Variants in HLCS observed in about 807,000 individuals in gnomAD.
HLCS encodes biotin--protein ligase.
HLCS carries 53 observed loss-of-function variants against 75.0 expected under a neutral mutation model. The observed-to-expected ratio is 0.71, with a 90% CI of 0.57 to 0.89. The LOEUF (loss-of-function observed/expected upper bound fraction) is 0.89, where lower values mean the gene tolerates loss of function less well. Ranked by LOEUF, HLCS falls within the 40% of genes least tolerant of loss-of-function variation. The pLI, the probability that HLCS is intolerant of heterozygous loss-of-function variation, is 0.00. For missense variants in HLCS, 966 were observed against 1,074.0 expected, an observed-to-expected ratio of 0.90 and a Z score of 1.41; for synonymous variants, 431 against 428.6, an observed-to-expected ratio of 1.01 and a Z score of -0.07.
rs1277519255 is a variant in HLCS, at chr21:36,752,260, C to A, written c.*1986G>T. Reference sequence around the variant, plus strand: ...CAGTATGCCCGGAACATCTCCATAGCCTTTGACAAGGCCACACTTCATTAG... The same window carrying A: ...CAGTATGCCCGGAACATCTCCATAGACTTTGACAAGGCCACACTTCATTAG... On this transcript the variant is annotated 3_prime_UTR_variant, in exon 11 of 11. Coordinates refer to ENST00000674895, the MANE Select transcript of HLCS (RefSeq NM_001352514.2). 1 of 152,630 alleles carries A rather than the reference C, an allele frequency of 6.6e-6. No individual in the cohort carries two copies. The highest frequency in any genetic ancestry group is 2.4e-5 in the African/African-American group (1 of 41,444). 9.5% of individuals were successfully genotyped at this position (152,630 alleles called of 1,614,324 possible). A position where few individuals can be genotyped will look rare whatever the true frequency, so the allele number is the denominator to read the frequency against.
intron 6 of HLCS, among the ~76,000 whole-genome samples, chr21:36,837,311 T>A (rs1179958554): frequency 6.6e-6 from 1 of 152,250 alleles, no homozygotes; most frequent in Non-Finnish European, 1.5e-5. Flanking sequence ...ATACAAACTA[T>A]ATGCTATACT....
chr21:36,934,798 G>A (rs2066804859), intron 4 of HLCS, among the ~76,000 whole-genome samples: 1 of 152,114 alleles, frequency 6.6e-6, no homozygotes, highest in Non-Finnish European at 1.5e-5. Context: ...TAACCAGCCT[G>A]TGATAATATT....
At chr21:36,964,311 A>C (rs926409553) in intron 1 of HLCS, among the ~76,000 whole-genome samples, 1 of 152,266 alleles carries the variant, frequency 6.6e-6, no homozygotes, top group African/African-American at 2.4e-5. Context: ...GCAGACTGAG[A>C]TATCCACCAA....
At chr21:36,886,596 C>T (rs2064475923) in intron 6 of HLCS, among the ~76,000 whole-genome samples, 1 of 152,124 alleles carries the variant, frequency 6.6e-6, no homozygotes, top group African/African-American at 2.4e-5. Context: ...ATTTGGGATG[C>T]TTCAAGTTGT....
chr21:36,854,872 A>G (rs1241159656), intron 6 of HLCS, among the ~76,000 whole-genome samples: 1 of 152,180 alleles, frequency 6.6e-6, no homozygotes, highest in African/African-American at 2.4e-5. Flanking sequence ...ATCTGATTCT[A>G]TTTTTGCGGG....
At chr21:36,890,403 G>A (rs1187077127) in intron 6 of HLCS, among the ~76,000 whole-genome samples, 1 of 152,206 alleles carries the variant, frequency 6.6e-6, no homozygotes, top group East Asian at 1.9e-4. Flanking sequence ...GCACAGCCAA[G>A]TCAGATTCCT....
chr21:36,820,757 T>C (rs562264147), intron 6 of HLCS, among the ~76,000 whole-genome samples: 28 of 152,332 alleles, frequency 1.8e-4, no homozygotes, highest in African/African-American at 6.5e-4. Context: ...GACAGGCTCC[T>C]GGGCAGAAAG....
chr21:36,903,353 A>G (rs2065317482), intron 5 of HLCS, among the ~76,000 whole-genome samples: 2 of 152,102 alleles, frequency 1.3e-5, no homozygotes, highest in Non-Finnish European at 2.9e-5. Flanking sequence ...CTCTGCCCCT[A>G]AAACTTTGGT....
At chr21:36,857,191 A>G (rs2063224877) in intron 6 of HLCS, among the ~76,000 whole-genome samples, 2 of 152,232 alleles carry the variant, frequency 1.3e-5, no homozygotes, top group South Asian at 4.1e-4. Context: ...CTCTTGTTCA[A>G]CATTGCCGTT....
rs535624393 is a variant in HLCS, at chr21:36,761,206, C to T, written c.2122-1365G>A. Among the ~76,000 whole-genome samples the T allele has an allele frequency of 2.2e-4, 33 of 152,264 alleles. No individual in the cohort carries two copies. The Middle Eastern group carries it at 0.02, about 94-fold the overall frequency. On this transcript the variant is annotated intron_variant, in intron 8 of 10. Transcript: ENST00000674895. ...AAGCTTAGAGAAATTATGTGGCTTG[C>T]CTGAGGTTATAGCACTTGAAAGCCA...
At chr21:36,848,074 A>C (rs2062857290) in intron 6 of HLCS, among the ~76,000 whole-genome samples, 1 of 152,192 alleles carries the variant, frequency 6.6e-6, no homozygotes, top group African/African-American at 2.4e-5. Context: ...TAAATGGCAA[A>C]GCGACGAACA....
chr21:36,756,407 T>C (rs370339949), intron 10 of HLCS, 135 bp downstream of exon 10: 327 of 584,380 alleles, frequency 5.6e-4, no homozygotes, highest in African/African-American at 4.6e-3. Flanking sequence ...GCCAAGATCG[T>C]GCCACTGCAC....
At chr21:36,777,119 G>A (rs1378986376) in intron 6 of HLCS, among the ~76,000 whole-genome samples, 2 of 152,024 alleles carry the variant, frequency 1.3e-5, no homozygotes, top group African/African-American at 4.8e-5. Context: ...CTTCTGTTAG[G>A]GTTCGTGCTT....
At chr21:36,772,118 G>A (rs1485366664) in intron 6 of HLCS, among the ~76,000 whole-genome samples, 1 of 152,058 alleles carries the variant, frequency 6.6e-6, no homozygotes, top group Non-Finnish European at 1.5e-5. Flanking sequence ...ATCTAGGTAA[G>A]TCCCACTTCT....
At chr21:36,887,300 C>T (rs185520739) in intron 6 of HLCS, among the ~76,000 whole-genome samples, 23 of 152,252 alleles carry the variant, frequency 1.5e-4, no homozygotes, top group Non-Finnish European at 7.4e-5. Flanking sequence ...ATGATGAAGA[C>T]ATCAACATCA....
intron 5 of HLCS, among the ~76,000 whole-genome samples, chr21:36,902,505 G>T (rs1340564894): frequency 6.6e-6 from 1 of 152,184 alleles, no homozygotes; most frequent in Non-Finnish European, 1.5e-5. Flanking sequence ...ACAGCCATAC[G>T]GGACAGCCTG....
intron 1 of HLCS, among the ~76,000 whole-genome samples, chr21:36,963,871 G>T (rs928895144): frequency 1.4e-4 from 22 of 152,172 alleles, no homozygotes; most frequent in East Asian, 3.8e-4. Context: ...TGATTGTAGG[G>T]CATTCAATTA....
chr21:36,748,998 C>T lies in HLCS; in HGVS notation c.*5248G>A, dbSNP rs2089282527. On this transcript the variant is annotated 3_prime_UTR_variant, in exon 11 of 11. Coordinates refer to ENST00000674895, the MANE Select transcript of HLCS (RefSeq NM_001352514.2). ...GTTAAATTGCACGTGCAATACGGAA[C>T]ACTGTCAATGGACTGCACCTTGTGA... 6.6e-6 allele frequency: 1 copy of T among 152,656 alleles called. No individual in the cohort carries two copies. The highest frequency in any genetic ancestry group is 1.5e-5 in the Non-Finnish European group (1 of 68,046). 9.5% of individuals were successfully genotyped at this position (152,656 alleles called of 1,614,324 possible). A position where few individuals can be genotyped will look rare whatever the true frequency, so the allele number is the denominator to read the frequency against.
At chr21:36,959,852 G>C (rs978448987) in intron 2 of HLCS, among the ~76,000 whole-genome samples, 2 of 152,212 alleles carry the variant, frequency 1.3e-5, no homozygotes, top group Non-Finnish European at 2.9e-5. Flanking sequence ...CCGAATGGCA[G>C]TACTAAAAGA....
Sources: allele counts gnomAD v4.1 joint callset (sites outside exome capture counted in the v4.1 genomes callset), GRCh38; gene constraint gnomAD v4.1.1; transcripts MANE v1.5; gene names NCBI Gene and HGNC (gene_info 2026-07-23, HGNC 2026-07-21).